OR4K17: variants seen among roughly 807,000 people sequenced by gnomAD.
OR4K17 encodes olfactory receptor 4K17.
For missense variants in OR4K17, 480 were observed against 366.3 expected, an observed-to-expected ratio of 1.31 and a Z score of -2.53; for synonymous variants, 157 against 132.8, an observed-to-expected ratio of 1.18 and a Z score of -1.25.
rs772622591 is a variant in OR4K17 at position 20,117,689 on chromosome 14, G to T, written c.190G>T (p.Gly64Cys). ...NLNTPMYFLL[G>C]NLSFVDMTLA... ...GAATACTCCCATGTATTTTCTCCTT[G>T]GTAATCTCTCTTTTGTAGATATGAC... is the stretch of plus-strand genomic sequence containing the variant. The change falls in exon 2 of 2, where the codon GGT becomes TGT. Residue 64 changes from glycine (G) to cysteine (C), a missense_variant. Coordinates refer to ENST00000641386, the MANE Select transcript of OR4K17 (RefSeq NM_001004715.5). The T allele has an allele frequency of 2.5e-6, 4 of 1,613,716 alleles. No homozygotes were observed. Among genetic ancestry groups the T allele is most frequent in the South Asian group, 1.1e-5 (1 of 91,040 alleles).
chr14:20,119,764 G>A lies in OR4K17; in HGVS notation c.*1326G>A, dbSNP rs1222706268. 1 of 152,186 alleles carries A rather than the reference G, an allele frequency of 6.6e-6. No individual in the cohort carries two copies. The highest frequency in any genetic ancestry group is 2.4e-5 in the African/African-American group (1 of 41,428). 9.4% of individuals were successfully genotyped at this position (152,186 alleles called of 1,614,324 possible). ...GAGGCAGGAGAATTGCTTGAACCCA[G>A]GAGGCAGAGGCTTCAGTGAGCTGAG... On this transcript the variant is annotated 3_prime_UTR_variant, in exon 2 of 2. Transcript: ENST00000641386.
chr14:20,121,277 G>C lies in OR4K17; in HGVS notation c.*2839G>C, dbSNP rs1878162108. The C allele has an allele frequency of 6.6e-6, 1 of 152,140 alleles. No homozygotes were observed. Among genetic ancestry groups the C allele is most frequent in the African/African-American group, 2.4e-5 (1 of 41,446 alleles). 9.4% of individuals were successfully genotyped at this position (152,140 alleles called of 1,614,324 possible). On this transcript the variant is annotated 3_prime_UTR_variant, in exon 2 of 2. Transcript: ENST00000641386. ...AGAAACAGAGACCTATGAACTCCCAGACAAAGACTTCACAATAATTGTCTT... is the reference window on the plus strand; with the variant it reads ...AGAAACAGAGACCTATGAACTCCCACACAAAGACTTCACAATAATTGTCTT...
At chr14:20,112,028 CAA>C (rs2139052374) in intron 1 of OR4K17, 1 of 151,912 alleles carries the variant, frequency 6.6e-6, no homozygotes, top group African/African-American at 2.4e-5. Flanking sequence ...CTGGATAGGT[CAA>C]AGTCAGGAAA....
intron 1 of OR4K17, among the ~76,000 whole-genome samples, chr14:20,113,984 G>A (rs886199751): frequency 6.6e-6 from 1 of 151,968 alleles, no homozygotes; most frequent in African/African-American, 2.4e-5. Flanking sequence ...ACTATAGCAA[G>A]CAAGTGTAAA....
In OR4K17 at chr14:20,118,198, A is replaced by G. The variant is rs1878061578; in HGVS notation, c.699A>G (p.Gln233=). ...TTAAGAACCACTCTCCTACTGGGCA[A>G]TCTAAAGCCCGTTCCACTTTGACTG... ...ITIKNHSPTG[Q]SKARSTLTAH... The change falls in exon 2 of 2, where the codon CAA becomes CAG. Residue 233 remains glutamine (Q), a synonymous_variant. Coordinates refer to ENST00000641386, the MANE Select transcript of OR4K17 (RefSeq NM_001004715.5). The G allele has an allele frequency of 6.2e-7, 1 of 1,613,978 alleles. No individual in the cohort carries two copies. The highest frequency in any genetic ancestry group is 1.1e-5 in the South Asian group (1 of 91,082).
rs1478857002 is a variant in OR4K17, at chr14:20,118,751, A to C, written c.*313A>C. 1 of 209,926 alleles carries C rather than the reference A, an allele frequency of 4.8e-6. No individual in the cohort carries two copies. Among genetic ancestry groups the C allele is most frequent in the Non-Finnish European group, 9.6e-6 (1 of 104,552 alleles). The allele number at this position is 209,926 out of a possible 1,614,324, so 13.0% of individuals were successfully genotyped here. On this transcript the variant is annotated 3_prime_UTR_variant, in exon 2 of 2. Transcript: ENST00000641386. ...ATAGGGTGTGGGTCACAGAGATCAC[A>C]TGCATCACAAGGCAATAAAATATCA...
chr14:20,111,893 G>A (rs1877890740), intron 1 of OR4K17: 1 of 152,004 alleles, frequency 6.6e-6, no homozygotes, highest in South Asian at 2.1e-4. Flanking sequence ...CTACTTTTTT[G>A]TGTGTGATTT....
chr14:20,117,669 C>G lies in OR4K17; in HGVS notation c.170C>G (p.Thr57Ser). Residue 57 changes from threonine (T) to serine (S), a missense_variant, in exon 2 of 2, where the codon ACT becomes AGT. Physicochemically the swap from Thr to Ser is moderately conservative, Grantham distance 58 (BLOSUM62 1). Transcript: ENST00000641386. Reference protein sequence around the residue: ...VTVFNTPNLNTPMYFLLGNLS... With the variant: ...VTVFNTPNLNSPMYFLLGNLS... Reference sequence around the variant, plus strand: ...GTGTTTAACACCCCTAACCTGAATACTCCCATGTATTTTCTCCTTGGTAAT... The same window carrying G: ...GTGTTTAACACCCCTAACCTGAATAGTCCCATGTATTTTCTCCTTGGTAAT... 6.2e-7 allele frequency: 1 copy of G among 1,614,026 alleles called. No homozygotes were observed. Among genetic ancestry groups the G allele is most frequent in the Non-Finnish European group, 8.5e-7 (1 of 1,179,950 alleles).
rs1878045671 is a variant in OR4K17 at position 20,117,917 on chromosome 14, G to T, written c.418G>T (p.Val140Leu). ...LHYMTIMNKK[V>L]CVLLVVTSWL... ...CTACATGACCATCATGAACAAGAAG[G>T]TATGTGTTTTGCTTGTAGTGACCTC... The change falls in exon 2 of 2, where the codon GTA (valine) becomes TTA (leucine). Residue 140 changes from valine (V) to leucine (L), a missense_variant. Val to Leu is a conservative substitution (Grantham distance 32). Coordinates refer to ENST00000641386, the MANE Select transcript of OR4K17 (RefSeq NM_001004715.5). The T allele has an allele frequency of 2.5e-6, 4 of 1,613,966 alleles. No homozygotes were observed. The highest frequency in any genetic ancestry group is 1.3e-5 in the African/African-American group (1 of 74,892).
chr14:20,116,920 C>T (rs1476886377), intron 1 of OR4K17, among the ~76,000 whole-genome samples: 3 of 152,184 alleles, frequency 2.0e-5, no homozygotes, highest in Non-Finnish European at 4.4e-5. Context: ...AGGAAAAACA[C>T]AGCAGTATGC....
intron 1 of OR4K17, among the ~76,000 whole-genome samples, chr14:20,112,275 A>T (rs1323947349): frequency 6.6e-6 from 1 of 152,082 alleles, no homozygotes; most frequent in Non-Finnish European, 1.5e-5. Context: ...ATTGGCCAGA[A>T]TCTGACAGCA....
At position 20,118,235 on chromosome 14, in the gene OR4K17, G is replaced by A. The variant is rs1353177954; in HGVS notation, c.736G>A (p.Val246Met). ...TTCCACTTTGACTGCTCACATCACA[G>A]TGGTGATTCTCTTCTTTGGCCCATG... ...ARSTLTAHIT[V>M]VILFFGPCIF... The change falls in exon 2 of 2, where the codon GTG (valine) becomes ATG (methionine). Residue 246 changes from valine (V) to methionine (M), a missense_variant. Physicochemically the swap from Val to Met is conservative, Grantham distance 21 (BLOSUM62 1). Coordinates refer to ENST00000641386, the MANE Select transcript of OR4K17 (RefSeq NM_001004715.5). 6.2e-7 allele frequency: 1 copy of A among 1,614,014 alleles called. No individual in the cohort carries two copies. Among genetic ancestry groups the A allele is most frequent in the Non-Finnish European group, 8.5e-7 (1 of 1,179,900 alleles).
chr14:20,111,844 T>C (rs556030019), intron 1 of OR4K17: 2 of 152,242 alleles, frequency 1.3e-5, no homozygotes, highest in Admixed American at 1.3e-4. Context: ...TTTACTCCAA[T>C]GACCCATCCA....
In OR4K17 at chr14:20,117,932, G is replaced by C. The variant is rs1878046573; in HGVS notation, c.433G>C (p.Val145Leu). ...GAACAAGAAGGTATGTGTTTTGCTTGTAGTGACCTCATGGCTCTTGGGTCT... is the reference window on the plus strand; with the variant it reads ...GAACAAGAAGGTATGTGTTTTGCTTCTAGTGACCTCATGGCTCTTGGGTCT... The part of the protein sequence containing the change: ...IMNKKVCVLL[V>L]VTSWLLGLLH... The change falls in exon 2 of 2, where the codon GTA becomes CTA. Residue 145 changes from valine to leucine, a missense_variant. Transcript: ENST00000641386. The C allele has an allele frequency of 4.3e-6, 7 of 1,613,970 alleles. No homozygotes were observed. Among genetic ancestry groups the C allele is most frequent in the African/African-American group, 1.3e-5 (1 of 74,898 alleles).
At position 20,118,093 on chromosome 14, in the gene OR4K17, C is replaced by T. The variant is rs1256800594; in HGVS notation, c.594C>T (p.Val198=). 6.2e-7 allele frequency: 1 copy of T among 1,614,004 alleles called. No homozygotes were observed. The highest frequency in any genetic ancestry group is 2.2e-5 in the East Asian group (1 of 44,860). ...TAGACATATATTTTGTACAGGTAGT[C>T]ATTGTTGCCAACAGTGGCATAATCT... ...ACIDIYFVQV[V]IVANSGIISL... is the part of the protein sequence containing the mutation. The change falls in exon 2 of 2, where the codon GTC becomes GTT. Residue 198 remains valine (V), a synonymous_variant. Transcript: ENST00000641386.
chr14:20,121,243 T>A lies in OR4K17; in HGVS notation c.*2805T>A, dbSNP rs1878161184. On this transcript the variant is annotated 3_prime_UTR_variant, in exon 2 of 2. Coordinates refer to ENST00000641386, the MANE Select transcript of OR4K17 (RefSeq NM_001004715.5). The stretch of plus-strand genomic sequence containing the variant: ...AGGAACACAATAATTTTCCAGTATC[T>A]GTCTCCAAAGAAACAGAGACCTATG... The A allele has an allele frequency of 6.6e-6, 1 of 152,188 alleles. No homozygotes were observed. The highest frequency in any genetic ancestry group is 1.5e-5 in the Non-Finnish European group (1 of 68,030). 9.4% of individuals were successfully genotyped at this position (152,188 alleles called of 1,614,324 possible).
intron 1 of OR4K17, among the ~76,000 whole-genome samples, chr14:20,112,587 A>C (rs1169224535): frequency 3.3e-5 from 5 of 152,110 alleles, no homozygotes; most frequent in Non-Finnish European, 7.4e-5. Context: ...AGGTGAAGCC[A>C]CAGTACCCAG....
In OR4K17 at chr14:20,119,959, G is replaced by T. The variant is rs1294090047; in HGVS notation, c.*1521G>T. 2 of 152,176 alleles carry T rather than the reference G, an allele frequency of 1.3e-5. No individual in the cohort carries two copies. Among genetic ancestry groups the T allele is most frequent in the Non-Finnish European group, 2.9e-5 (2 of 68,030 alleles). 9.4% of individuals were successfully genotyped at this position (152,176 alleles called of 1,614,324 possible). A position where few individuals can be genotyped will look rare whatever the true frequency, so the allele number is the denominator to read the frequency against. Reference sequence around the variant, plus strand: ...GCAAGTAAAATGCAGTAAGATTACAGTAGTCAGTCAAGATTATTTTTAATG... The same window carrying T: ...GCAAGTAAAATGCAGTAAGATTACATTAGTCAGTCAAGATTATTTTTAATG... On this transcript the variant is annotated 3_prime_UTR_variant, in exon 2 of 2. Transcript: ENST00000641386.
At chr14:20,115,519 A>G (rs1388226562) in intron 1 of OR4K17, among the ~76,000 whole-genome samples, 3 of 152,060 alleles carry the variant, frequency 2.0e-5, no homozygotes, top group Non-Finnish European at 1.5e-5. Context: ...TAATCCAGAA[A>G]TAATAAGAAA....
Sources: allele counts gnomAD v4.1 joint callset (sites outside exome capture counted in the v4.1 genomes callset), GRCh38; gene constraint gnomAD v4.1.1; transcripts MANE v1.5; gene names NCBI Gene and HGNC (gene_info 2026-07-23, HGNC 2026-07-21).